The following SCMH1 variants were observed in gnomAD, a reference collection of about 807,000 sequenced individuals.
The protein encoded by SCMH1 is polycomb protein SCMH1.
Under a neutral mutation model 70.8 loss-of-function variants are expected in SCMH1, and 37 were observed. That is an observed-to-expected ratio of 0.52 (90% CI 0.40 to 0.69). The LOEUF is 0.69. Ranked by LOEUF, SCMH1 falls within the 30% of genes least tolerant of loss-of-function variation. SCMH1 has a pLI of 0.00. For missense variants in SCMH1, 607 were observed against 827.3 expected (o/e 0.73, Z 3.27); for synonymous variants, 292 against 307.4 (o/e 0.95, Z 0.52).
chr1:41,105,147 A>G (rs1393415818), intron 8 of SCMH1, among the ~76,000 whole-genome samples: 1 of 148,500 alleles, frequency 6.7e-6, no homozygotes, highest in Non-Finnish European at 1.5e-5. Flanking sequence ...GTATTTTTGT[A>G]GAGACAGGGT....
Position 41,130,059 on chromosome 1 carries a change from A to G in SCMH1, c.412+12819T>C, listed in dbSNP as rs543554372. On this transcript the variant is annotated intron_variant, in intron 6 of 14. Transcript: ENST00000337495. ...GAAGTGTCATCTCAATGCAGTTTTA[A>G]TTTGTAGTTCCCTAATGATTAGTGA... 2.6e-5 allele frequency among the ~76,000 whole-genome samples: 4 copies of G among 152,226 alleles called. No individual in the cohort carries two copies. In the East Asian group the frequency reaches 7.7e-4, roughly 29 times the overall value.
intron 2 of SCMH1, among the ~76,000 whole-genome samples, chr1:41,168,160 C>G (rs1393436595): frequency 1.3e-5 from 2 of 152,006 alleles, no homozygotes; most frequent in African/African-American, 4.8e-5. Context: ...CTTTCTATCT[C>G]CTTCCCCAGG....
chr1:41,209,589 C>T (rs563297661), intron 1 of SCMH1, among the ~76,000 whole-genome samples: 12 of 152,338 alleles, frequency 7.9e-5, no homozygotes, highest in East Asian at 3.9e-4. Context: ...CGTAATTCAT[C>T]GCATAAACAG....
At chr1:41,200,483 AT>A (rs1654068319) in intron 1 of SCMH1, among the ~76,000 whole-genome samples, 2 of 146,746 alleles carry the variant, frequency 1.4e-5, no homozygotes, top group Non-Finnish European at 1.5e-5. Flanking sequence ...TCTCAAAAAA[AT>A]ATATAAATAA....
At chr1:41,037,934 C>A in intron 12 of SCMH1, 1 of 167,802 alleles carries the variant, frequency 6.0e-6, no homozygotes, top group Non-Finnish European at 1.3e-5. Flanking sequence ...TGACCCTCTG[C>A]TCAACCATCT....
At chr1:41,075,309 C>G (rs1657935818) in exon 9 of SCMH1, 1 of 1,614,024 alleles carries the variant, frequency 6.2e-7, no homozygotes, top group African/African-American at 1.3e-5. Flanking sequence ...AAATTAGGGT[C>G]TTGGGTGTCC....
At chr1:41,175,192 G>T (rs920979987) in intron 2 of SCMH1, among the ~76,000 whole-genome samples, 2 of 152,216 alleles carry the variant, frequency 1.3e-5, no homozygotes, top group African/African-American at 4.8e-5. Context: ...ACCAATGTGT[G>T]TGGGCATTAT....
At chr1:41,128,829 C>G (rs544047024) in intron 6 of SCMH1, among the ~76,000 whole-genome samples, 10 of 152,142 alleles carry the variant, frequency 6.6e-5, no homozygotes, top group South Asian at 2.1e-4. Context: ...CTGATGCTTT[C>G]TTTTTCAGTT....
intron 8 of SCMH1, among the ~76,000 whole-genome samples, chr1:41,092,436 G>A (rs1466849322): frequency 1.3e-5 from 2 of 152,102 alleles, no homozygotes; most frequent in Non-Finnish European, 2.9e-5. Context: ...GAAAACCTAG[G>A]CAATACCATT....
chr1:41,148,830 G>A (rs913389454), intron 5 of SCMH1, among the ~76,000 whole-genome samples: 12 of 151,822 alleles, frequency 7.9e-5, no homozygotes, highest in Non-Finnish European at 1.3e-4. Context: ...TCGCTCTGTC[G>A]CCCAGGCTGC....
chr1:41,219,206 C>G (rs1658725135), intron 1 of SCMH1, among the ~76,000 whole-genome samples: 1 of 152,204 alleles, frequency 6.6e-6, no homozygotes, highest in Admixed American at 6.5e-5. Flanking sequence ...AAGGAGGGCA[C>G]AGAAGTTCTG....
At chr1:41,146,286 T>C (rs1040276496) in intron 5 of SCMH1, among the ~76,000 whole-genome samples, 21 of 152,158 alleles carry the variant, frequency 1.4e-4, no homozygotes, top group African/African-American at 4.8e-4. Context: ...AGTATTATTA[T>C]AAGAGTCAAA....
intron 4 of SCMH1, among the ~76,000 whole-genome samples, chr1:41,155,514 A>C (rs995971277): frequency 6.6e-6 from 1 of 152,160 alleles, no homozygotes; most frequent in Non-Finnish European, 1.5e-5. Context: ...GCAAAAACAA[A>C]CAAACAAACA....
At chr1:41,122,251 A>C (rs1428282871) in intron 6 of SCMH1, among the ~76,000 whole-genome samples, 1 of 152,064 alleles carries the variant, frequency 6.6e-6, no homozygotes. Flanking sequence ...ACTCCCTTGT[A>C]CCCCTATTCA....
chr1:41,107,175 T>C (rs1180483079), intron 8 of SCMH1, among the ~76,000 whole-genome samples: 6 of 151,896 alleles, frequency 4.0e-5, no homozygotes, highest in Non-Finnish European at 7.3e-5. Context: ...ATTTACCCAA[T>C]AGCTATAGAG....
chr1:41,048,882 A>T, exon 11 of SCMH1: 1 of 1,613,070 alleles, frequency 6.2e-7, no homozygotes, highest in Non-Finnish European at 8.5e-7. Context: ...TTGTTCAAGT[A>T]GATACAAACT....
chr1:41,105,832 C>T (rs1219867493), intron 8 of SCMH1, among the ~76,000 whole-genome samples: 1 of 151,968 alleles, frequency 6.6e-6, no homozygotes, highest in East Asian at 1.9e-4. Context: ...CCTTCTAAAA[C>T]ACAAATCTGA....
chr1:41,120,608 G>A (rs540532813), intron 6 of SCMH1, among the ~76,000 whole-genome samples: 1 of 152,246 alleles, frequency 6.6e-6, no homozygotes, highest in South Asian at 2.1e-4. Flanking sequence ...TCCTCAATCC[G>A]CTAGGTGATG....
chr1:41,124,250 C>T (rs563728784), intron 6 of SCMH1, among the ~76,000 whole-genome samples: 1 of 152,164 alleles, frequency 6.6e-6, no homozygotes, highest in South Asian at 2.1e-4. Context: ...ACACTTCACC[C>T]CTAAATATAT....
Sources: gnomAD v4.1 joint callset for allele counts (sites outside exome capture counted in the v4.1 genomes callset) on GRCh38, gnomAD v4.1.1 for gene constraint, MANE v1.5 for transcripts, NCBI Gene and HGNC (gene_info 2026-07-23, HGNC 2026-07-21) for gene names.